The following GALNT13 variants were observed in gnomAD, a reference collection of about 807,000 sequenced individuals.
The protein encoded by GALNT13 is polypeptide N-acetylgalactosaminyltransferase 13.
In GALNT13, 28 loss-of-function variants were observed where a neutral mutation model predicts 64.2. That is an observed-to-expected ratio of 0.44 (90% CI 0.32 to 0.60). The LOEUF (loss-of-function observed/expected upper bound fraction) is 0.60, where lower values mean the gene tolerates loss of function less well. Ranked by LOEUF, GALNT13 falls within the 20% of genes least tolerant of loss-of-function variation. GALNT13 has a pLI of 0.05. For missense variants in GALNT13, 577 were observed against 669.8 expected, an observed-to-expected ratio of 0.86 and a Z score of 1.53; for synonymous variants, 214 against 224.6, an observed-to-expected ratio of 0.95 and a Z score of 0.42.
chr2:154,342,925 T>A (rs574473598), intron 9 of GALNT13, among the ~76,000 whole-genome samples: 1 of 151,992 alleles, frequency 6.6e-6, no homozygotes, highest in Admixed American at 6.6e-5. Flanking sequence ...TTCATTTGCC[T>A]GAGGTAAGCT....
chr2:154,336,131 C>G (rs1421821910), intron 9 of GALNT13, among the ~76,000 whole-genome samples: 1 of 152,034 alleles, frequency 6.6e-6, no homozygotes, highest in Non-Finnish European at 1.5e-5. Context: ...ATAAAATTTC[C>G]TAGCACACCT....
intron 2 of GALNT13, among the ~76,000 whole-genome samples, chr2:153,920,734 C>T (rs772504549): frequency 1.3e-5 from 2 of 152,000 alleles, no homozygotes; most frequent in Non-Finnish European, 2.9e-5. Flanking sequence ...AGCTATGCAT[C>T]GAACAAAGGT....
chr2:153,920,402 A>G (rs553379887), intron 2 of GALNT13, among the ~76,000 whole-genome samples: 1 of 152,190 alleles, frequency 6.6e-6, no homozygotes, highest in Admixed American at 6.6e-5. Context: ...GTATTCAATA[A>G]ATGGTGCTGG....
chr2:153,424,817 T>G, the GALNT13 span, among the ~76,000 whole-genome samples: 1 of 151,844 alleles, frequency 6.6e-6, no homozygotes, highest in African/African-American at 2.4e-5. Context: ...CAGCACTGTT[T>G]GTAAAAGCAA....
intron 3 of GALNT13, among the ~76,000 whole-genome samples, chr2:153,947,762 C>T: frequency 6.6e-6 from 1 of 151,760 alleles, no homozygotes; most frequent in Non-Finnish European, 1.5e-5. Context: ...TTTCTGTGCC[C>T]ATGTCCTGGA....
At chr2:154,352,217 A>G (rs1696451591) in intron 9 of GALNT13, among the ~76,000 whole-genome samples, 1 of 152,216 alleles carries the variant, frequency 6.6e-6, no homozygotes. Context: ...ATTTCTTTAC[A>G]TGAACCGGCC....
At chr2:153,935,452 T>C (rs1690839403) in intron 2 of GALNT13, among the ~76,000 whole-genome samples, 1 of 152,352 alleles carries the variant, frequency 6.6e-6, no homozygotes, top group East Asian at 1.9e-4. Flanking sequence ...ATGTGTCATG[T>C]CACTGAAGAG....
At chr2:153,712,220 T>C in the GALNT13 span, among the ~76,000 whole-genome samples, 2 of 152,172 alleles carry the variant, frequency 1.3e-5, 1 homozygote, top group South Asian at 4.1e-4. Context: ...AGAAGTATAA[T>C]GTTTATATTA....
chr2:154,228,786 A>T (rs1302252697), intron 4 of GALNT13, among the ~76,000 whole-genome samples: 1 of 152,082 alleles, frequency 6.6e-6, no homozygotes, highest in Non-Finnish European at 1.5e-5. Flanking sequence ...CATTTTCAGG[A>T]TGTGGTGATC....
At chr2:154,296,738 G>A (rs1209016506) in intron 8 of GALNT13, among the ~76,000 whole-genome samples, 1 of 152,120 alleles carries the variant, frequency 6.6e-6, no homozygotes, top group Non-Finnish European at 1.5e-5. Flanking sequence ...CTGGGGTGGG[G>A]CTACTTTATT....
At chr2:153,735,644 C>T in the GALNT13 span, among the ~76,000 whole-genome samples, 19 of 151,986 alleles carry the variant, frequency 1.3e-4, no homozygotes, top group Admixed American at 4.6e-4. Context: ...TGCCACATTC[C>T]GTTGTCATAT....
the GALNT13 span, among the ~76,000 whole-genome samples, chr2:153,589,559 T>C: frequency 6.6e-6 from 1 of 152,192 alleles, no homozygotes; most frequent in Admixed American, 6.5e-5. Context: ...ATGCTGCTGA[T>C]AAAGACATAT....
chr2:154,293,791 C>T (rs1692769692), intron 8 of GALNT13, among the ~76,000 whole-genome samples: 1 of 152,104 alleles, frequency 6.6e-6, no homozygotes. Context: ...AGGAAATTAT[C>T]GAGGTAGTCA....
chr2:154,295,060 G>C (rs1574036332), intron 8 of GALNT13, among the ~76,000 whole-genome samples: 1 of 152,172 alleles, frequency 6.6e-6, no homozygotes, highest in East Asian at 1.9e-4. Context: ...GGAGGACCAA[G>C]AAGCAACAGA....
At chr2:153,505,571 C>G in the GALNT13 span, among the ~76,000 whole-genome samples, 33 of 152,124 alleles carry the variant, frequency 2.2e-4, no homozygotes, top group African/African-American at 7.7e-4. Context: ...TATTATTGCT[C>G]AGTTCAAATA....
chr2:153,698,459 C>T, the GALNT13 span, among the ~76,000 whole-genome samples: 1 of 152,134 alleles, frequency 6.6e-6, no homozygotes, highest in Non-Finnish European at 1.5e-5. Flanking sequence ...TCTGACAAAA[C>T]AGACTTTAAA....
the GALNT13 span, among the ~76,000 whole-genome samples, chr2:153,093,113 C>A: frequency 2.6e-5 from 4 of 151,642 alleles, no homozygotes; most frequent in Non-Finnish European, 4.4e-5. Context: ...GAATTTATCA[C>A]CTGGTTTTTA....
chr2:153,713,918 A>T, the GALNT13 span, among the ~76,000 whole-genome samples: 8 of 152,144 alleles, frequency 5.3e-5, no homozygotes, highest in Non-Finnish European at 7.4e-5. Context: ...ATTTGCTGCC[A>T]TTTTCATATC....
chr2:153,312,028 TTC>T, the GALNT13 span, among the ~76,000 whole-genome samples: 1 of 152,366 alleles, frequency 6.6e-6, no homozygotes, highest in South Asian at 2.1e-4. Flanking sequence ...GATGATATTA[TTC>T]TGTTACTAAA....
Sources: gnomAD v4.1 joint callset for allele counts (sites outside exome capture counted in the v4.1 genomes callset) on GRCh38, gnomAD v4.1.1 for gene constraint, MANE v1.5 for transcripts, NCBI Gene and HGNC (gene_info 2026-07-23, HGNC 2026-07-21) for gene names.